TNIK: variants seen among roughly 807,000 people sequenced by gnomAD.
TNIK encodes TRAF2 and NCK interacting kinase.
Under a neutral mutation model 191.3 loss-of-function variants are expected in TNIK, and 49 were observed. That is an observed-to-expected ratio of 0.26 (90% CI 0.20 to 0.32). The LOEUF (loss-of-function observed/expected upper bound fraction) is 0.32, where lower values mean the gene tolerates loss of function less well. Ranked by LOEUF, TNIK falls within the 10% of genes least tolerant of loss-of-function variation. TNIK has a pLI of 1.00. For synonymous variants in TNIK, 594 were observed against 600.9 expected (o/e 0.99, Z 0.17); for missense variants, 1,155 against 1,702.3 (o/e 0.68, Z 5.66).
At chr3:171,335,292 G>T (rs1399873224) in intron 2 of TNIK, among the ~76,000 whole-genome samples, 1 of 152,098 alleles carries the variant, frequency 6.6e-6, no homozygotes, top group Non-Finnish European at 1.5e-5. Context: ...TCCAAATTTT[G>T]TTTTTTCTTG....
chr3:171,111,517 T>C (rs1435970544), intron 18 of TNIK, among the ~76,000 whole-genome samples: 1 of 152,172 alleles, frequency 6.6e-6, no homozygotes, highest in East Asian at 1.9e-4. Context: ...ATAATGAGTG[T>C]TGGTGAGGAT....
chr3:171,290,845 A>G (rs1193108131), intron 2 of TNIK, among the ~76,000 whole-genome samples: 1 of 152,212 alleles, frequency 6.6e-6, no homozygotes, highest in Non-Finnish European at 1.5e-5. Flanking sequence ...TTCAATGAAA[A>G]CAGCCAGATA....
At chr3:171,363,908 G>A (rs920343923) in intron 2 of TNIK, among the ~76,000 whole-genome samples, 4 of 152,094 alleles carry the variant, frequency 2.6e-5, no homozygotes, top group East Asian at 1.9e-4. Context: ...CAAAACAGGC[G>A]GGTATCACAT....
intron 1 of TNIK, among the ~76,000 whole-genome samples, chr3:171,388,003 C>A (rs1438462949): frequency 1.3e-5 from 2 of 151,976 alleles, no homozygotes; most frequent in Non-Finnish European, 2.9e-5. Flanking sequence ...CGGGGGGGAG[C>A]AGATCTTTCC....
chr3:171,190,057 C>T (rs1052299877), intron 6 of TNIK, among the ~76,000 whole-genome samples: 7 of 152,136 alleles, frequency 4.6e-5, no homozygotes, highest in Non-Finnish European at 1.0e-4. Flanking sequence ...GGATATTTGT[C>T]AATTCATGCT....
chr3:171,157,460 C>G lies in TNIK; in HGVS notation c.1221G>C (p.Glu407Asp). Residue 407 changes from glutamate to aspartate, a missense_variant and splice_region_variant, in exon 12 of 33, where the codon GAG becomes GAC. Around this residue, in one of 3 missense-constraint regions of TNIK, gnomAD observed 735 missense variants for 848.0 expected, o/e 0.87. Transcript: ENST00000436636. ...AGAGGTGGCCCGAGCAGGTCCTCAC[C>G]TCCTCCAGCCGCCGCCTCTGCTCTT... ...EQKEQRRRLEEQQRREKELRK... is the reference protein window; with the variant it reads ...EQKEQRRRLEDQQRREKELRK... The G allele has an allele frequency of 6.4e-7, 1 of 1,559,848 alleles. No homozygotes were observed. Among genetic ancestry groups the G allele is most frequent in the Non-Finnish European group, 8.7e-7 (1 of 1,152,436 alleles).
chr3:171,368,765 C>G (rs117435826), intron 2 of TNIK, among the ~76,000 whole-genome samples: 2 of 151,866 alleles, frequency 1.3e-5, no homozygotes, highest in Admixed American at 6.6e-5. Flanking sequence ...AAATAGAACA[C>G]GAGATAATTT....
intron 2 of TNIK, among the ~76,000 whole-genome samples, chr3:171,335,026 C>CT (rs1756815163): frequency 5.2e-5 from 6 of 116,268 alleles, no homozygotes; most frequent in African/African-American, 1.4e-4. Context: ...TCCCCAACTG[C>CT]CAAAAAAAAA....
At chr3:171,229,153 A>G (rs527945830) in intron 2 of TNIK, among the ~76,000 whole-genome samples, 149 of 152,338 alleles carry the variant, frequency 9.8e-4, no homozygotes, top group African/African-American at 3.2e-3. Flanking sequence ...CCTAATGCAT[A>G]GAATTGTAGT....
chr3:171,395,098 G>C (rs1323756488), intron 1 of TNIK, among the ~76,000 whole-genome samples: 2 of 152,136 alleles, frequency 1.3e-5, no homozygotes, highest in African/African-American at 4.8e-5. Flanking sequence ...TTCTCAACTG[G>C]GGAAAAGACA....
At chr3:171,250,065 G>T (rs575346521) in intron 2 of TNIK, among the ~76,000 whole-genome samples, 1 of 152,318 alleles carries the variant, frequency 6.6e-6, no homozygotes, top group African/African-American at 2.4e-5. Flanking sequence ...AGCGATGCCT[G>T]CATGCTTCTG....
intron 2 of TNIK, among the ~76,000 whole-genome samples, chr3:171,331,810 A>G (rs1324341014): frequency 6.6e-6 from 1 of 152,048 alleles, no homozygotes; most frequent in Non-Finnish European, 1.5e-5. Context: ...TGATAATGTA[A>G]TTTTTTTCTT....
At chr3:171,383,048 T>C (rs983855379) in intron 1 of TNIK, among the ~76,000 whole-genome samples, 5 of 152,124 alleles carry the variant, frequency 3.3e-5, no homozygotes, top group Admixed American at 2.0e-4. Context: ...TCCTGTGAAG[T>C]AGATTGCTCA....
intron 2 of TNIK, among the ~76,000 whole-genome samples, chr3:171,293,659 C>T (rs1381183345): frequency 2.6e-5 from 4 of 152,102 alleles, no homozygotes; most frequent in African/African-American, 9.7e-5. Context: ...AAATGAATAA[C>T]ATTTTTTTTC....
chr3:171,076,799 A>T (rs1720016637), intron 28 of TNIK, among the ~76,000 whole-genome samples: 1 of 152,196 alleles, frequency 6.6e-6, no homozygotes, highest in South Asian at 2.1e-4. Context: ...ATTTCTAAAT[A>T]ACATGATTAT....
chr3:171,075,862 G>A (rs1157335297), intron 28 of TNIK, among the ~76,000 whole-genome samples: 4 of 151,690 alleles, frequency 2.6e-5, no homozygotes, highest in African/African-American at 7.3e-5. Flanking sequence ...TCAGCCTCCC[G>A]AGTAGCTGGG....
At chr3:171,215,175 G>A (rs572171623) in intron 3 of TNIK, among the ~76,000 whole-genome samples, 85 of 152,160 alleles carry the variant, frequency 5.6e-4, no homozygotes, top group African/African-American at 1.9e-3. Context: ...GTGAGAAACC[G>A]GGATTGACCT....
chr3:171,271,517 A>G (rs1749101447), intron 2 of TNIK, among the ~76,000 whole-genome samples: 1 of 152,232 alleles, frequency 6.6e-6, no homozygotes, highest in African/African-American at 2.4e-5. Context: ...CCATCTGTTC[A>G]AATCTTACTT....
intron 2 of TNIK, among the ~76,000 whole-genome samples, chr3:171,362,480 A>G (rs1170786644): frequency 6.6e-6 from 1 of 152,184 alleles, no homozygotes; most frequent in African/African-American, 2.4e-5. Flanking sequence ...CAATAAATCA[A>G]ATGTAGAATG....
Sources: gnomAD v4.1 joint callset for allele counts (sites outside exome capture counted in the v4.1 genomes callset) on GRCh38, gnomAD v4.1.1 for gene constraint, gnomAD v4.1.1 regional missense constraint, MANE v1.5 for transcripts, NCBI Gene and HGNC (gene_info 2026-07-23, HGNC 2026-07-21) for gene names.